JAK1: variants seen among roughly 807,000 people sequenced by gnomAD.
The protein encoded by JAK1 is tyrosine-protein kinase JAK1.
A neutral mutation model predicts 136.6 loss-of-function variants in JAK1; 16 were observed. The observed-to-expected ratio is 0.12, with a 90% CI of 0.08 to 0.18. The LOEUF is 0.18. Ranked by LOEUF, JAK1 falls within the 10% of genes least tolerant of loss-of-function variation. The probability of loss-of-function intolerance (pLI) is 1.00; values close to 1 mark genes in which losing one functional copy is unlikely to be tolerated. For synonymous variants in JAK1, 492 were observed against 519.5 expected, an observed-to-expected ratio of 0.95 and a Z score of 0.72; for missense variants, 859 against 1,450.1, an observed-to-expected ratio of 0.59 and a Z score of 6.62.
upstream of JAK1, among the ~76,000 whole-genome samples, chr1:64,969,520 T>C (rs941592442): frequency 2.6e-5 from 4 of 151,540 alleles, no homozygotes; most frequent in South Asian, 4.2e-4. Flanking sequence ...ACCACTAGTC[T>C]AGGGATAATG....
intron 2 of JAK1, among the ~76,000 whole-genome samples, chr1:65,018,524 A>C (rs1646910289): frequency 6.6e-6 from 1 of 151,778 alleles, no homozygotes; most frequent in South Asian, 2.1e-4. Flanking sequence ...ACACGCTATC[A>C]GGAGTGAAAA....
chr1:64,989,395 G>A (rs1472598489), intron 2 of JAK1: 1 of 151,864 alleles, frequency 6.6e-6, no homozygotes. Context: ...TGGTAGGAAA[G>A]TTTTGTGGCA....
intron 4 of JAK1, among the ~76,000 whole-genome samples, chr1:64,874,625 G>A (rs1432937985): frequency 6.6e-6 from 1 of 152,132 alleles, no homozygotes; most frequent in South Asian, 2.1e-4. Flanking sequence ...AGTGACTAAG[G>A]GAAGTGACTG....
intron 1 of JAK1, among the ~76,000 whole-genome samples, chr1:64,938,005 A>T (rs1204495063): frequency 1.3e-5 from 2 of 151,798 alleles, no homozygotes; most frequent in Non-Finnish European, 2.9e-5. Flanking sequence ...TCAGCCTCCC[A>T]AGTAGCTATG....
At chr1:64,985,182 A>G (rs1004684622) in intron 2 of JAK1, 2 of 1,474,920 alleles carry the variant, frequency 1.4e-6, no homozygotes, top group African/African-American at 2.8e-5. Flanking sequence ...GGTGACACAG[A>G]TGGGCTCTTG....
In JAK1 at chr1:65,011,285, G is replaced by A. The variant is rs116081382; in HGVS notation, c.-78+33195C>T. 3.0e-3 allele frequency among the ~76,000 whole-genome samples: 459 copies of A among 152,140 alleles called. 3 individuals carry two copies. The highest frequency in any genetic ancestry group is 0.011 in the African/African-American group (442 of 41,486). On this transcript the variant is annotated intron_variant, in intron 2 of 25. Transcript: ENST00000671954. The stretch of plus-strand genomic sequence containing the variant: ...GAGCTCAGGAGTTTGAGACCAGCCT[G>A]AGCAACATCATGAGACTTCATCTCT...
intron 2 of JAK1, among the ~76,000 whole-genome samples, chr1:65,015,670 C>T (rs921223896): frequency 3.9e-5 from 6 of 152,036 alleles, no homozygotes; most frequent in African/African-American, 1.2e-4. Flanking sequence ...TATAGATATT[C>T]AAACAGGTTG....
intron 1 of JAK1, among the ~76,000 whole-genome samples, chr1:65,063,902 T>C (rs1349653156): frequency 1.3e-5 from 2 of 151,822 alleles, no homozygotes; most frequent in Admixed American, 6.6e-5. Flanking sequence ...AAGTATATAA[T>C]GCAAGCTACA....
chr1:64,980,243 G>C (rs1646531842), intron 2 of JAK1, among the ~76,000 whole-genome samples: 1 of 152,114 alleles, frequency 6.6e-6, no homozygotes, highest in Non-Finnish European at 1.5e-5. Context: ...GAAGTGTAAA[G>C]CCCTTTCAAG....
At chr1:64,885,626 G>A (rs866927454) in intron 2 of JAK1, among the ~76,000 whole-genome samples, 5 of 152,016 alleles carry the variant, frequency 3.3e-5, no homozygotes, top group Admixed American at 6.6e-5. Flanking sequence ...GGTGGCATGC[G>A]CCTGTAATCC....
chr1:64,953,596 C>T (rs1419395969), intron 1 of JAK1, among the ~76,000 whole-genome samples: 1 of 152,104 alleles, frequency 6.6e-6, no homozygotes, highest in African/African-American at 2.4e-5. Flanking sequence ...AAAAATATAC[C>T]AAACTTACTT....
At chr1:65,048,223 T>A (rs932932329) in intron 1 of JAK1, among the ~76,000 whole-genome samples, 30 of 152,230 alleles carry the variant, frequency 2.0e-4, no homozygotes, top group Admixed American at 1.9e-3. Flanking sequence ...GGGCTTGAAC[T>A]GAGTGACATC....
intron 12 of JAK1, among the ~76,000 whole-genome samples, chr1:64,848,711 A>G (rs1283901746): frequency 2.0e-5 from 3 of 152,224 alleles, no homozygotes; most frequent in Non-Finnish European, 4.4e-5. Flanking sequence ...AGTTGTTGAC[A>G]TTAGCACCAC....
intron 1 of JAK1, among the ~76,000 whole-genome samples, chr1:64,957,490 T>C (rs1280529704): frequency 4.6e-5 from 7 of 152,206 alleles, no homozygotes; most frequent in Non-Finnish European, 8.8e-5. Context: ...GGCACAGCTC[T>C]TTCACACTTC....
rs879773776 is a variant in JAK1, at chr1:64,977,229, AG to A, written c.-78+67250del. Reference sequence around the variant, plus strand: ...TAGTGGCACAACCACAGCTCACTCCAGCCTTGACCTCCTGGCTCAGGCCATC... The same window carrying A: ...TAGTGGCACAACCACAGCTCACTCCACCTTGACCTCCTGGCTCAGGCCATC... On this transcript the variant is annotated intron_variant, in intron 2 of 25. Transcript: ENST00000671954. Among the ~76,000 whole-genome samples the A allele has an allele frequency of 2.1e-4, 32 of 152,258 alleles. No homozygotes were observed. The Middle Eastern group carries it at 0.014, about 65-fold the overall frequency.
At chr1:64,915,782 A>G (rs1362797313) in intron 1 of JAK1, among the ~76,000 whole-genome samples, 1 of 152,144 alleles carries the variant, frequency 6.6e-6, no homozygotes, top group Non-Finnish European at 1.5e-5. Flanking sequence ...TAGTTTCTGG[A>G]AAGGATAAGA....
intron 2 of JAK1, among the ~76,000 whole-genome samples, chr1:64,996,059 T>G (rs933632185): frequency 3.3e-5 from 5 of 152,158 alleles, no homozygotes; most frequent in Admixed American, 6.5e-5. Context: ...GGGCTCTTTT[T>G]TTTTCTTTCC....
intron 2 of JAK1, among the ~76,000 whole-genome samples, chr1:64,996,661 AAT>A (rs1409659667): frequency 3.9e-5 from 6 of 152,240 alleles, no homozygotes; most frequent in Non-Finnish European, 7.3e-5. Context: ...ATACAGATCA[AAT>A]ATGACCTGCG....
At chr1:64,946,360 C>T (rs112573494) in intron 1 of JAK1, among the ~76,000 whole-genome samples, 6,714 of 152,320 alleles carry the variant, frequency 0.044, 248 homozygotes, top group Admixed American at 0.14. Context: ...AACCCCCTCT[C>T]TGCAAATAAG....
Sources: allele counts gnomAD v4.1 joint callset (sites outside exome capture counted in the v4.1 genomes callset), GRCh38; gene constraint gnomAD v4.1.1; transcripts MANE v1.5; gene names NCBI Gene and HGNC (gene_info 2026-07-23, HGNC 2026-07-21).